The following MAST1 variants were observed in gnomAD, a reference collection of about 807,000 sequenced individuals.
The protein encoded by MAST1 is microtubule-associated serine/threonine-protein kinase 1.
A neutral mutation model predicts 124.6 loss-of-function variants in MAST1; 40 were observed. The ratio of observed to expected loss-of-function variants is 0.32; its 90% confidence interval spans 0.25 to 0.42. The LOEUF (loss-of-function observed/expected upper bound fraction) is 0.42. MAST1 is among the 10% of genes least tolerant of loss of function. MAST1 has a pLI of 1.00. For synonymous variants in MAST1, 938 were observed against 939.4 expected (o/e 1.00, Z 0.03); for missense variants, 1,558 against 2,181.9 (o/e 0.71, Z 5.70).
rs566115210 is a variant in MAST1 at position 12,840,474 on chromosome 19, A to G, written c.112A>G (p.Ile38Val). 35 of 1,614,064 alleles carry G rather than the reference A, an allele frequency of 2.2e-5. No individual in the cohort carries two copies. Among genetic ancestry groups the G allele is most frequent in the Non-Finnish European group, 2.9e-5 (34 of 1,179,960 alleles). ...CCGCACCAGTAATCGGAAAAGCCTC[A>G]TCCTGACCAGCACTTCACCCACGCT... ...SCRTSNRKSLILTSTSPTLPR... is the reference protein window; with the variant it reads ...SCRTSNRKSLVLTSTSPTLPR... Residue 38 changes from isoleucine to valine, a missense_variant, in exon 2 of 26, where the codon ATC becomes GTC. Transcript: ENST00000251472.
intron 10 of MAST1, among the ~76,000 whole-genome samples, chr19:12,856,041 C>T (rs1970013169): frequency 6.6e-6 from 1 of 151,376 alleles, no homozygotes; most frequent in South Asian, 2.1e-4. Flanking sequence ...AAAAATACAG[C>T]ATAAGATACC....
At position 12,838,786 on chromosome 19, in the gene MAST1, T is replaced by G; in HGVS notation, c.83+131T>G. The G allele has an allele frequency of 1.7e-5, 11 of 633,914 alleles. No homozygotes were observed. The highest frequency in any genetic ancestry group is 1.1e-4 in the East Asian group (2 of 17,448). The allele number at this position is 633,914 out of a possible 1,614,324, so 39.3% of individuals were successfully genotyped here. ...CGCCAGAGGTGCCCCAGCTGCGCCT[T>G]CCCGCCGGGGTTGGGGTTGAATGGG... is the stretch of plus-strand genomic sequence containing the variant. On this transcript the variant is annotated intron_variant, in intron 1 of 25. Transcript: ENST00000251472. The surrounding 1 kb of genome is among the most constrained non-coding windows in gnomAD (Gnocchi z 4.3).
chr19:12,859,362 G>A lies in MAST1; in HGVS notation c.1366+623G>A, dbSNP rs138134691. 1.2e-3 allele frequency among the ~76,000 whole-genome samples: 178 copies of A among 152,276 alleles called. 1 individual carries two copies. Among genetic ancestry groups the A allele is most frequent in the Non-Finnish European group, 2.1e-3 (141 of 68,034 alleles). On this transcript the variant is annotated intron_variant, in intron 12 of 25. Transcript: ENST00000251472. ...CCCAAAGTGCTGGGATTACAGGCAT[G>A]AGCCACTGTGCCAGGCCTATTTTAT...
Position 12,871,913 on chromosome 19 carries a change from C to CAA in MAST1, c.3263+764_3263+765dup, listed in dbSNP as rs34674708. On this transcript the variant is annotated intron_variant, in intron 24 of 25. Transcript: ENST00000251472. ...CTGTGACAACAGAGCTAGACTCTTT[C>CAA]AAAAAAAAAAAAAAAAAAAAAAAAG... is the stretch of plus-strand genomic sequence containing the variant. 4.8e-3 allele frequency among the ~76,000 whole-genome samples: 287 copies of CAA among 59,980 alleles called. 2 individuals are homozygous for CAA. Among genetic ancestry groups the CAA allele is most frequent in the Middle Eastern group, 9.8e-3 (1 of 102 alleles). The allele number at this position is 59,980 out of a possible 152,430, so 39.3% of individuals were successfully genotyped here.
Position 12,874,286 on chromosome 19 carries a change from C to T in MAST1, c.4129C>T (p.Pro1377Ser), listed in dbSNP as rs1356797184. The change falls in exon 26 of 26, where the codon CCC (proline) becomes TCC (serine). Residue 1377 changes from proline to serine, a missense_variant. This residue lies in a region of MAST1 where 263 missense variants were observed against 310.9 expected (regional missense o/e 0.85). Transcript: ENST00000251472. This position sits in a 1 kb window ranked among gnomAD's most constrained non-coding sequence, Gnocchi z 6.6. ...GTGCACCCCACCCCGCGCGACGACC[C>T]CCGGTGGCCGGACCCTGGAGCGGGA... is the stretch of plus-strand genomic sequence containing the variant. The part of the protein sequence containing the change: ...EACTPPRATT[P>S]GGRTLERDVG... 2 of 1,591,170 alleles carry T rather than the reference C, an allele frequency of 1.3e-6. No individual in the cohort carries two copies. Among genetic ancestry groups the T allele is most frequent in the Admixed American group, 1.7e-5 (1 of 59,098 alleles).
rs775584782 is a variant in MAST1, at chr19:12,874,508, C to T, written c.4351C>T (p.Gln1451Ter). 6.5e-7 allele frequency: 1 copy of T among 1,544,240 alleles called. No homozygotes were observed. Among genetic ancestry groups the T allele is most frequent in the Non-Finnish European group, 8.7e-7 (1 of 1,148,008 alleles). ...ARPGAKAVVP[Q>*]PLGADSKGLQ... ...GCCCGGGGCTAAGGCTGTGGTGCCT[C>T]AGCCTCTGGGCGCGGACTCCAAGGG... The change falls in exon 26 of 26, where the codon CAG becomes TAG. Residue 1451 changes from glutamine to a stop codon, truncating the protein, a stop_gained. Coordinates refer to ENST00000251472, the MANE Select transcript of MAST1 (RefSeq NM_014975.3). LOFTEE classifies it low-confidence loss of function (END_TRUNC). The surrounding 1 kb of genome is among the most constrained non-coding windows in gnomAD (Gnocchi z 6.6).
chr19:12,847,373 C>A lies in MAST1; in HGVS notation c.411C>A (p.Phe137Leu). ...VDELHFLSKH[F>L]GSTESITDED... is the part of the protein sequence containing the mutation. ...AGCTCCACTTCCTCTCCAAACACTT[C>A]GGGAGCACCGAGAGCATCACAGACG... The change falls in exon 5 of 26, where the codon TTC becomes TTA. Residue 137 changes from phenylalanine (F) to leucine (L), a missense_variant. This residue lies in a region of MAST1 where 165 missense variants were observed against 315.3 expected (regional missense o/e 0.52). Coordinates refer to ENST00000251472, the MANE Select transcript of MAST1 (RefSeq NM_014975.3). The surrounding 1 kb of genome is among the most constrained non-coding windows in gnomAD (Gnocchi z 5.5). 1 of 1,613,826 alleles carries A rather than the reference C, an allele frequency of 6.2e-7. No individual in the cohort carries two copies. Among genetic ancestry groups the A allele is most frequent in the Non-Finnish European group, 8.5e-7 (1 of 1,179,994 alleles).
rs773360514 is a variant in MAST1, at chr19:12,866,708, G to A, written c.2085G>A (p.Glu695=). ...VNSYDEDDTT[E]EEPVEIRQFS... ...CCTATGACGAGGATGACACGACGGAGGAGGAGCCCGTGGAAATCCGCCAGT... is the reference window on the plus strand; with the variant it reads ...CCTATGACGAGGATGACACGACGGAAGAGGAGCCCGTGGAAATCCGCCAGT... Residue 695 remains glutamate, a synonymous_variant, in exon 18 of 26, where the codon GAG becomes GAA. Transcript: ENST00000251472. This position sits in a 1 kb window ranked among gnomAD's most constrained non-coding sequence, Gnocchi z 5.2. The A allele has an allele frequency of 8.7e-6, 14 of 1,613,890 alleles. No individual in the cohort carries two copies. The highest frequency in any genetic ancestry group is 1.2e-5 in the Non-Finnish European group (14 of 1,179,990).
chr19:12,872,899 T>C (rs1171351198), intron 24 of MAST1, among the ~76,000 whole-genome samples: 1 of 148,248 alleles, frequency 6.7e-6, no homozygotes, highest in Non-Finnish European at 1.5e-5. Flanking sequence ...GAGCGAAACT[T>C]CGTCTCAAAA....
At position 12,874,313 on chromosome 19, in the gene MAST1, G is replaced by A. The variant is rs979856567; in HGVS notation, c.4156G>A (p.Val1386Ile). ...TPGGRTLERD[V>I]GCTRHQSVQT... is the part of the protein sequence containing the mutation. ...CGGTGGCCGGACCCTGGAGCGGGAC[G>A]TCGGCTGCACGCGGCATCAGAGCGT... is the stretch of plus-strand genomic sequence containing the variant. Residue 1386 changes from valine (V) to isoleucine (I), a missense_variant, in exon 26 of 26, where the codon GTC becomes ATC. Around this residue, in one of 10 missense-constraint regions of MAST1, gnomAD observed 263 missense variants for 310.9 expected, o/e 0.85. Coordinates refer to ENST00000251472, the MANE Select transcript of MAST1 (RefSeq NM_014975.3). This position sits in a 1 kb window ranked among gnomAD's most constrained non-coding sequence, Gnocchi z 6.6. 1.3e-6 allele frequency: 2 copies of A among 1,594,438 alleles called. No homozygotes were observed. The highest frequency in any genetic ancestry group is 1.1e-5 in the South Asian group (1 of 90,672).
chr19:12,848,132 C>T (rs1750123454), intron 7 of MAST1, 75 bp downstream of exon 7: 5 of 1,334,812 alleles, frequency 3.7e-6, no homozygotes, highest in Non-Finnish European at 5.2e-6. Context: ...CCTTTCTTCA[C>T]CCCACATACA....
At chr19:12,851,891 C>A in intron 7 of MAST1, 43 bp from the exon 8 acceptor site, 1 of 1,490,506 alleles carries the variant, frequency 6.7e-7, no homozygotes, top group Non-Finnish European at 9.3e-7. Context: ...CGGGCTGAGG[C>A]AGAGTGCCTA....
rs375872899 is a variant in MAST1, at chr19:12,867,645, C to A, written c.2311C>A (p.Pro771Thr). The change falls in exon 19 of 26, where the codon CCG becomes ACG. Residue 771 changes from proline (P) to threonine (T), a missense_variant. Transcript: ENST00000251472. ...TGAGAAGACCTGGAGAGGGGGCTCT[C>A]CGGAGATGTGAGCAGGGGAATGGCG... ...LREKTWRGGSPEIKRFSASEA... is the reference protein window; with the variant it reads ...LREKTWRGGSTEIKRFSASEA... 2.4e-5 allele frequency: 38 copies of A among 1,595,522 alleles called. No homozygotes were observed. The highest frequency in any genetic ancestry group is 3.2e-5 in the Non-Finnish European group (38 of 1,171,520).
intron 7 of MAST1, 43 bp downstream of exon 7, chr19:12,848,100 G>A: frequency 1.3e-6 from 2 of 1,555,244 alleles, no homozygotes; most frequent in Admixed American, 1.7e-5. Context: ...GCTCAGCACC[G>A]CCAGATTGTG....
intron 24 of MAST1, among the ~76,000 whole-genome samples, chr19:12,873,057 G>A (rs1267757944): frequency 2.6e-5 from 4 of 152,020 alleles, no homozygotes; most frequent in Admixed American, 2.6e-4. Flanking sequence ...AGCTAGAGAG[G>A]TGGGCGGGGC....
intron 12 of MAST1, among the ~76,000 whole-genome samples, chr19:12,861,139 A>G (rs1254096481): frequency 1.3e-5 from 2 of 151,876 alleles, no homozygotes; most frequent in African/African-American, 2.4e-5. Flanking sequence ...CTTGGTGCAC[A>G]GCAACCTCCA....
At chr19:12,871,289 A>G in intron 24 of MAST1, 117 bp downstream of exon 24, 1 of 1,453,922 alleles carries the variant, frequency 6.9e-7, no homozygotes, top group Non-Finnish European at 9.4e-7. Context: ...ACAAATGACC[A>G]ACAAGCAAAG....
chr19:12,846,490 G>A (rs1295849194), intron 4 of MAST1, among the ~76,000 whole-genome samples: 2 of 152,016 alleles, frequency 1.3e-5, no homozygotes, highest in East Asian at 3.9e-4. Context: ...GGATGAGAAG[G>A]AGGGATCCAT....
At chr19:12,845,539 G>A (rs958211458) in intron 4 of MAST1, among the ~76,000 whole-genome samples, 3 of 151,202 alleles carry the variant, frequency 2.0e-5, no homozygotes, top group Non-Finnish European at 4.4e-5. Context: ...AGTGGAGGTC[G>A]AGCCACTGCA....
Sources: allele counts gnomAD v4.1 joint callset (sites outside exome capture counted in the v4.1 genomes callset), GRCh38; gene constraint gnomAD v4.1.1; regional missense constraint gnomAD v4.1.1; non-coding constraint Gnocchi (gnomAD v3.1); transcripts MANE v1.5; gene names NCBI Gene and HGNC (gene_info 2026-07-23, HGNC 2026-07-21).